ADCY3: variants seen among roughly 807,000 people sequenced by gnomAD.
ADCY3 encodes the protein adenylate cyclase type 3.
In ADCY3, 70 loss-of-function variants were observed where a neutral mutation model predicts 119.4. The ratio of observed to expected loss-of-function variants is 0.59; its 90% CI spans 0.48 to 0.72. The LOEUF is 0.72. ADCY3 is among the 30% of genes least tolerant of loss of function. The pLI is 0.00. For missense variants in ADCY3, 1,238 were observed against 1,541.6 expected, an observed-to-expected ratio of 0.80 and a Z score of 3.30; for synonymous variants, 672 against 621.4, an observed-to-expected ratio of 1.08 and a Z score of -1.21.
intron 3 of ADCY3, among the ~76,000 whole-genome samples, chr2:24,856,224 C>T (rs1672983484): frequency 6.6e-6 from 1 of 152,156 alleles, no homozygotes; most frequent in South Asian, 2.1e-4. Context: ...CACATGTACA[C>T]ACATGCAGCT....
Position 24,870,354 on chromosome 2 carries a change from A to G in ADCY3, c.825+2216T>C, listed in dbSNP as rs572644459. ...AAAAAAAAAAAAGAAAGAAAAAAAA[A>G]TCTCTCAAAAGTTTTACATATGGGG... On this transcript the variant is annotated intron_variant, in intron 3 of 21. Coordinates refer to ENST00000679454, the MANE Select transcript of ADCY3 (RefSeq NM_004036.5). Among the ~76,000 whole-genome samples, 24 of 151,476 alleles carry G rather than the reference A, an allele frequency of 1.6e-4. 2 individuals are homozygous for G. The South Asian group carries it at 5.0e-3, about 32-fold the overall frequency.
chr2:24,826,078 G>A lies in ADCY3; in HGVS notation c.2544C>T (p.Leu848=), dbSNP rs200094426. 7.4e-6 allele frequency: 12 copies of A among 1,614,174 alleles called. No homozygotes were observed. In the Admixed American group the frequency reaches 1.3e-4, roughly 18 times the overall value. The stretch of plus-strand genomic sequence containing the variant: ...AGAAGTAGTAGAAGCTGAGCATCAT[G>A]AGGAACACCATCACCGTCATAGAGT... The part of the protein sequence containing the change: ...SKYSMTVMVF[L]MMLSFYYFSR... The change falls in exon 16 of 22, where the codon CTC becomes CTT. Residue 848 remains leucine (L), a synonymous_variant. Coordinates refer to ENST00000679454, the MANE Select transcript of ADCY3 (RefSeq NM_004036.5).
intron 8 of ADCY3, among the ~76,000 whole-genome samples, chr2:24,837,979 A>G (rs377096828): frequency 6.7e-6 from 1 of 149,934 alleles, no homozygotes; most frequent in East Asian, 2.0e-4. Flanking sequence ...CTGCTCTATT[A>G]CTTCTATCTC....
At chr2:24,882,489 C>T (rs1450348320) in intron 2 of ADCY3, among the ~76,000 whole-genome samples, 1 of 152,240 alleles carries the variant, frequency 6.6e-6, no homozygotes, top group African/African-American at 2.4e-5. Context: ...GCTCTTGCTG[C>T]TTCACTAGAC....
chr2:24,881,172 A>T (rs1362873715), intron 2 of ADCY3, among the ~76,000 whole-genome samples: 2 of 152,166 alleles, frequency 1.3e-5, no homozygotes, highest in African/African-American at 2.4e-5. Flanking sequence ...AACACCACAC[A>T]CTAAGAACCT....
chr2:24,838,947 T>C, intron 7 of ADCY3: 1 of 1,411,944 alleles, frequency 7.1e-7, no homozygotes, highest in Non-Finnish European at 9.5e-7. Context: ...AGGAATTTTT[T>C]TTTTTTTTTT....
At chr2:24,866,209 T>C (rs1292549983) in intron 3 of ADCY3, among the ~76,000 whole-genome samples, 2 of 152,154 alleles carry the variant, frequency 1.3e-5, no homozygotes, top group East Asian at 1.9e-4. Context: ...CTATTTCCTA[T>C]CTGCCCCTGC....
rs1558455043 is a variant in ADCY3 at position 24,853,005 on chromosome 2, G to GGGGT, written c.826-10622_826-10621insACCC. Among the ~76,000 whole-genome samples the GGGGT allele has an allele frequency of 1.8e-4, 17 of 95,366 alleles. 1 individual carries two copies. The highest frequency in any genetic ancestry group is 7.9e-4 in the African/African-American group (14 of 17,726). 62.6% of individuals were successfully genotyped at this position (95,366 alleles called of 152,430 possible). A position where few individuals can be genotyped will look rare whatever the true frequency, so the allele number is the denominator to read the frequency against. On this transcript the variant is annotated intron_variant, in intron 3 of 21. Transcript: ENST00000679454. Reference sequence around the variant, plus strand: ...ATTTGAAGGAAAGGAACAGCTGGAGGGTGTGTGTGTGTGTGTGTGTGTGTG... The same window carrying GGGGT: ...ATTTGAAGGAAAGGAACAGCTGGAGGGGGTGTGTGTGTGTGTGTGTGTGTGTGTG...
At chr2:24,868,033 AG>A (rs1674508482) in intron 3 of ADCY3, among the ~76,000 whole-genome samples, 1 of 152,208 alleles carries the variant, frequency 6.6e-6, no homozygotes, top group African/African-American at 2.4e-5. Flanking sequence ...CAGATTTGGC[AG>A]AATATACATT....
At chr2:24,897,801 G>A (rs190869327) in intron 2 of ADCY3, among the ~76,000 whole-genome samples, 141 of 152,200 alleles carry the variant, frequency 9.3e-4, no homozygotes, top group African/African-American at 3.1e-3. Flanking sequence ...CTGGCTGAAC[G>A]AATCCCTCTC....
intron 8 of ADCY3, among the ~76,000 whole-genome samples, chr2:24,837,974 C>G (rs1049716372): frequency 6.6e-6 from 1 of 152,014 alleles, no homozygotes; most frequent in African/African-American, 2.4e-5. Flanking sequence ...CACCCCTGCT[C>G]TATTACTTCT....
At chr2:24,848,823 T>C (rs1671952663) in intron 3 of ADCY3, among the ~76,000 whole-genome samples, 1 of 152,322 alleles carries the variant, frequency 6.6e-6, no homozygotes, top group African/African-American at 2.4e-5. Flanking sequence ...AGTTTTTAGG[T>C]TGAGTTCCAG....
intron 13 of ADCY3, among the ~76,000 whole-genome samples, chr2:24,829,686 T>C (rs1669187438): frequency 6.6e-6 from 1 of 151,882 alleles, no homozygotes; most frequent in Admixed American, 6.6e-5. Flanking sequence ...CCTCCCAAAG[T>C]GCTGGGATTA....
chr2:24,852,698 G>T lies in ADCY3; in HGVS notation c.826-10314C>A, dbSNP rs555717732. On this transcript the variant is annotated intron_variant, in intron 3 of 21. Transcript: ENST00000679454. Reference sequence around the variant, plus strand: ...CAACACCCCCAGCAGACGCCTGCCTGCCTCTCCACGGCCAGGAGCCGCTGC... The same window carrying T: ...CAACACCCCCAGCAGACGCCTGCCTTCCTCTCCACGGCCAGGAGCCGCTGC... Among the ~76,000 whole-genome samples the T allele has an allele frequency of 2.6e-5, 4 of 152,380 alleles. No individual in the cohort carries two copies. In the South Asian group the frequency reaches 8.3e-4, roughly 32 times the overall value.
At chr2:24,902,405 G>A (rs2148998971) in intron 2 of ADCY3, among the ~76,000 whole-genome samples, 1 of 152,102 alleles carries the variant, frequency 6.6e-6, no homozygotes, top group East Asian at 1.9e-4. Flanking sequence ...TGATGAATAT[G>A]GACAAATATG....
Position 24,919,233 on chromosome 2 carries a change from G to C in ADCY3, c.-197-49C>G, listed in dbSNP as rs1558537573. The stretch of plus-strand genomic sequence containing the variant: ...AAGCACCTCTTCCCTCCTACCTTGC[G>C]GTTTCCCCATGACCCGCCCTAACCC... On this transcript the variant is annotated intron_variant, in intron 1 of 21. Coordinates refer to ENST00000679454, the MANE Select transcript of ADCY3 (RefSeq NM_004036.5). This position sits in a 1 kb window ranked among gnomAD's most constrained non-coding sequence, Gnocchi z 5.5. 1.9e-6 allele frequency: 1 copy of C among 521,240 alleles called. No individual in the cohort carries two copies. The allele number at this position is 521,240 out of a possible 1,614,324, so 32.3% of individuals were successfully genotyped here. A position where few individuals can be genotyped will look rare whatever the true frequency, so the allele number is the denominator to read the frequency against.
At chr2:24,846,982 G>T (rs1430255068) in intron 3 of ADCY3, among the ~76,000 whole-genome samples, 2 of 152,162 alleles carry the variant, frequency 1.3e-5, no homozygotes, top group Admixed American at 6.5e-5. Context: ...TAAGACTTTG[G>T]GGGGACTATT....
intron 2 of ADCY3, among the ~76,000 whole-genome samples, chr2:24,891,576 GA>G (rs1388828470): frequency 2.0e-5 from 3 of 152,178 alleles, no homozygotes; most frequent in Non-Finnish European, 4.4e-5. Flanking sequence ...TCCTTTAAGT[GA>G]AAAGAAAAAA....
intron 3 of ADCY3, among the ~76,000 whole-genome samples, chr2:24,860,522 G>A (rs1375103497): frequency 6.6e-6 from 1 of 152,142 alleles, no homozygotes; most frequent in Non-Finnish European, 1.5e-5. Context: ...GGCAGGGCAG[G>A]CTCCACTACC....
Sources: allele counts gnomAD v4.1 joint callset (sites outside exome capture counted in the v4.1 genomes callset), GRCh38; gene constraint gnomAD v4.1.1; non-coding constraint Gnocchi (gnomAD v3.1); transcripts MANE v1.5; gene names NCBI Gene and HGNC (gene_info 2026-07-23, HGNC 2026-07-21).